Variants in KIF5C observed in about 807,000 individuals in gnomAD.
The protein encoded by KIF5C is kinesin family member 5C, also known as kinesin heavy chain isoform 5C.
In KIF5C, 18 loss-of-function variants were observed where a neutral mutation model predicts 125.2. The observed-to-expected ratio is 0.14, with a 90% CI of 0.10 to 0.21. The LOEUF (loss-of-function observed/expected upper bound fraction) is 0.21. KIF5C is among the 10% of genes least tolerant of loss of function. KIF5C has a pLI of 1.00. For synonymous variants in KIF5C, 405 were observed against 434.0 expected (o/e 0.93, Z 0.83); for missense variants, 780 against 1,183.8 (o/e 0.66, Z 5.01).
rs1681975609 is a variant in KIF5C, at chr2:149,005,345, A to G, written c.2374-48A>G. On this transcript the variant is annotated intron_variant, in intron 21 of 25. Transcript: ENST00000435030. Reference sequence around the variant, plus strand: ...ATGATCTGGTGCCAAATGTGTCATAAATTCAGTGAATTGCTGCACTTAAGT... The same window carrying G: ...ATGATCTGGTGCCAAATGTGTCATAGATTCAGTGAATTGCTGCACTTAAGT... The G allele has an allele frequency of 1.9e-6, 3 of 1,597,396 alleles. No individual in the cohort carries two copies. In the African/African-American group the frequency reaches 4.0e-5, roughly 21 times the overall value.
chr2:148,998,595 G>A (rs1431599467), intron 19 of KIF5C, 86 bp downstream of exon 19: 15 of 1,529,118 alleles, frequency 9.8e-6, no homozygotes, highest in South Asian at 4.9e-5. Flanking sequence ...GCTCTTAGTC[G>A]AGGGCCCTGC....
chr2:148,993,033 T>C (rs1464248785), intron 16 of KIF5C, among the ~76,000 whole-genome samples: 1 of 152,164 alleles, frequency 6.6e-6, no homozygotes, highest in Admixed American at 6.5e-5. Context: ...TGTGAACTGA[T>C]GGAACTGTTA....
At chr2:148,981,694 G>A in intron 14 of KIF5C, 133 bp downstream of exon 14, 1 of 1,388,664 alleles carries the variant, frequency 7.2e-7, no homozygotes, top group Non-Finnish European at 9.4e-7. Flanking sequence ...CATTCTCTGA[G>A]GTCCCTCCAA....
intron 10 of KIF5C, 151 bp from the exon 11 acceptor site, chr2:148,961,820 G>A (rs1168759916): frequency 1.4e-5 from 15 of 1,093,172 alleles, no homozygotes; most frequent in Non-Finnish European, 1.9e-5. Context: ...GGTGCCGTTA[G>A]TCCAATTAGG....
intron 9 of KIF5C, 104 bp downstream of exon 9, chr2:148,950,047 G>A: frequency 6.8e-7 from 1 of 1,465,626 alleles, no homozygotes; most frequent in Non-Finnish European, 9.1e-7. Flanking sequence ...TTGTTTTTCT[G>A]TTTGGAAGAG....
chr2:148,927,081 T>C (rs2105089086), intron 2 of KIF5C, among the ~76,000 whole-genome samples: 1 of 152,282 alleles, frequency 6.6e-6, no homozygotes, highest in South Asian at 2.1e-4. Flanking sequence ...CTCAGCTCCT[T>C]AGTCCAAAAC....
At chr2:148,905,766 G>A (rs1681080345) in intron 1 of KIF5C, among the ~76,000 whole-genome samples, 1 of 152,164 alleles carries the variant, frequency 6.6e-6, no homozygotes, top group Non-Finnish European at 1.5e-5. Context: ...AGACATGCCC[G>A]AGACTGGGTA....
chr2:148,952,501 A>G (rs570271530), intron 10 of KIF5C, among the ~76,000 whole-genome samples: 1 of 152,320 alleles, frequency 6.6e-6, no homozygotes, highest in South Asian at 2.1e-4. Context: ...TGTACAGGGT[A>G]TGAAATCAAG....
intron 10 of KIF5C, among the ~76,000 whole-genome samples, chr2:148,951,642 G>A (rs1044205174): frequency 1.3e-5 from 2 of 152,162 alleles, no homozygotes; most frequent in African/African-American, 2.4e-5. Flanking sequence ...AGGGCTCAGA[G>A]GGCTGAGGTT....
chr2:148,958,637 A>G (rs1682853983), intron 10 of KIF5C, among the ~76,000 whole-genome samples: 1 of 152,132 alleles, frequency 6.6e-6, no homozygotes, highest in Non-Finnish European at 1.5e-5. Context: ...TAATGAAGAC[A>G]AGTTTTTAAT....
chr2:148,979,034 TA>T, intron 13 of KIF5C, 44 bp downstream of exon 13: 1 of 1,497,296 alleles, frequency 6.7e-7, no homozygotes, highest in Non-Finnish European at 8.9e-7. Context: ...GTTCTTCTAT[TA>T]CTCTTTGTTG....
chr2:148,998,235 A>G (rs1681736021), intron 18 of KIF5C, 165 bp from the exon 19 acceptor site: 1 of 1,176,056 alleles, frequency 8.5e-7, no homozygotes, highest in Non-Finnish European at 1.2e-6. Flanking sequence ...TATCCCAATA[A>G]AGCAAGGCCG....
intron 11 of KIF5C, among the ~76,000 whole-genome samples, chr2:148,965,626 A>G (rs1683031345): frequency 6.6e-6 from 1 of 152,204 alleles, no homozygotes. Flanking sequence ...GCTATGTGCC[A>G]GTGGACGTTA....
intron 1 of KIF5C, among the ~76,000 whole-genome samples, chr2:148,896,038 T>C (rs2105051083): frequency 6.6e-6 from 1 of 152,276 alleles, no homozygotes; most frequent in Middle Eastern, 3.4e-3. Context: ...ACCTCCAATG[T>C]GGGGCTTCAA....
In KIF5C at chr2:149,000,441, A is replaced by G. The variant is rs745715427; in HGVS notation, c.2229A>G (p.Gln743=). Residue 743 remains glutamine (Q), a synonymous_variant, in exon 20 of 26, where the codon CAA becomes CAG. Transcript: ENST00000435030. Reference sequence around the variant, plus strand: ...ATTTCAGTTTGAATCAGAAACTGCAACTGGAACAGGAGAAGCTTAGTTCTG... The same window carrying G: ...ATTTCAGTTTGAATCAGAAACTGCAGCTGGAACAGGAGAAGCTTAGTTCTG... The part of the protein sequence containing the change: ...DEIRDLNQKL[Q]LEQEKLSSDY... 6.3e-7 allele frequency: 1 copy of G among 1,584,700 alleles called. No homozygotes were observed. The highest frequency in any genetic ancestry group is 1.1e-5 in the South Asian group (1 of 87,198).
chr2:148,917,421 A>G (rs1057258629), intron 1 of KIF5C, among the ~76,000 whole-genome samples: 3 of 152,258 alleles, frequency 2.0e-5, no homozygotes, highest in Non-Finnish European at 4.4e-5. Context: ...AGGGCCTGGC[A>G]GTTATTTCCC....
intron 4 of KIF5C, among the ~76,000 whole-genome samples, chr2:148,939,399 C>T (rs1289492795): frequency 6.6e-6 from 1 of 152,208 alleles, no homozygotes; most frequent in Non-Finnish European, 1.5e-5. Context: ...AAGCTTGTTG[C>T]TTTGATGGGA....
In KIF5C at chr2:148,946,593, G is replaced by A. The variant is rs771979885; in HGVS notation, c.590-306G>A. Among the ~76,000 whole-genome samples the A allele has an allele frequency of 5.4e-4, 82 of 152,306 alleles. 2 individuals are homozygous for A. Among genetic ancestry groups the A allele is most frequent in the East Asian group, 4.8e-3 (25 of 5,182 alleles). ...AGGTAGTGAATTCTTCAAGGGGAAA[G>A]TCATGCTGGAGTAGGAATTTAGAGG... On this transcript the variant is annotated intron_variant, in intron 7 of 25. Coordinates refer to ENST00000435030, the MANE Select transcript of KIF5C (RefSeq NM_004522.3).
At position 148,981,368 on chromosome 2, in the gene KIF5C, C is replaced by T. The variant is rs950017082; in HGVS notation, c.1376C>T (p.Thr459Ile). The stretch of plus-strand genomic sequence containing the variant: ...TCATTTCCCCAGCTTTTAGCTTCCA[C>T]AAGAAGAGACTATGAGAAGATACAG... ...MLDQDELLASTRRDYEKIQEE... is the reference protein window; with the variant it reads ...MLDQDELLASIRRDYEKIQEE... The change falls in exon 14 of 26, where the codon ACA becomes ATA. Residue 459 changes from threonine (T) to isoleucine (I), a missense_variant. Thr to Ile is a moderately conservative substitution (Grantham distance 89). Around this residue, in one of 2 missense-constraint regions of KIF5C, gnomAD observed 573 missense variants for 742.6 expected, o/e 0.77. Coordinates refer to ENST00000435030, the MANE Select transcript of KIF5C (RefSeq NM_004522.3). The T allele has an allele frequency of 6.2e-7, 1 of 1,609,742 alleles. No homozygotes were observed. Among genetic ancestry groups the T allele is most frequent in the Non-Finnish European group, 8.5e-7 (1 of 1,178,238 alleles).
Sources: allele counts gnomAD v4.1 joint callset (sites outside exome capture counted in the v4.1 genomes callset), GRCh38; gene constraint gnomAD v4.1.1; regional missense constraint gnomAD v4.1.1; transcripts MANE v1.5; gene names NCBI Gene and HGNC (gene_info 2026-07-23, HGNC 2026-07-21).